Variants in CDH23 observed in about 807,000 individuals in gnomAD.
The protein encoded by CDH23 is cadherin-23.
CDH23 carries 189 observed loss-of-function variants against 317.1 expected under a neutral mutation model. That is an observed-to-expected ratio of 0.60 (90% CI 0.53 to 0.67). The LOEUF (loss-of-function observed/expected upper bound fraction) is 0.67. Among genes scored for constraint, CDH23 ranks in the 30% least tolerant of loss-of-function variants. The probability of loss-of-function intolerance (pLI) is 0.00; values close to 1 mark genes in which losing one functional copy is unlikely to be tolerated. For synonymous variants in CDH23, 1,839 were observed against 1,876.8 expected (o/e 0.98, Z 0.52); for missense variants, 4,401 against 4,592.4 (o/e 0.96, Z 1.20).
At chr10:71,627,381 T>C (rs1398938299) in intron 11 of CDH23, among the ~76,000 whole-genome samples, 1 of 152,104 alleles carries the variant, frequency 6.6e-6, no homozygotes, top group Non-Finnish European at 1.5e-5. Context: ...GTGATGATGA[T>C]GATGATGATG....
At chr10:71,676,474 A>G (rs1864374499) in intron 15 of CDH23, among the ~76,000 whole-genome samples, 1 of 151,878 alleles carries the variant, frequency 6.6e-6, no homozygotes, top group Non-Finnish European at 1.5e-5. Context: ...TAAAAATACA[A>G]AAATTAGCCG....
chr10:71,779,162 C>A, intron 40 of CDH23, 105 bp from the exon 41 acceptor site: 1 of 1,044,252 alleles, frequency 9.6e-7, no homozygotes, highest in Non-Finnish European at 1.5e-6. Context: ...CCTGCATGGG[C>A]CTCATGAGGC....
Position 71,785,044 on chromosome 10 carries a change from C to T in CDH23, c.5656C>T (p.Leu1886Phe). The change falls in exon 43 of 70, where the codon CTC (leucine) becomes TTC (phenylalanine). Residue 1886 changes from leucine (L) to phenylalanine (F), a missense_variant. This residue lies in a region of CDH23 where 3,068 missense variants were observed against 3,203.3 expected (regional missense o/e 0.96). Transcript: ENST00000224721. ...CGCTGACAGTGGCTGCAATGCACGC[C>T]TCACCTTCAACATCACTGCGGGCAA... Reference protein sequence around the residue: ...SDADSGCNARLTFNITAGNRE... With the variant: ...SDADSGCNARFTFNITAGNRE... 2.5e-6 allele frequency: 4 copies of T among 1,614,106 alleles called. No individual in the cohort carries two copies. Among genetic ancestry groups the T allele is most frequent in the Non-Finnish European group, 3.4e-6 (4 of 1,179,906 alleles).
intron 16 of CDH23, 93 bp downstream of exon 16, chr10:71,677,786 A>G (rs1355966897): frequency 1.8e-6 from 2 of 1,088,500 alleles, no homozygotes; most frequent in East Asian, 2.6e-5. Context: ...TGTTTTTATG[A>G]GACAGGTCTC....
chr10:71,479,395 G>A (rs910666767), intron 3 of CDH23, among the ~76,000 whole-genome samples: 3 of 152,140 alleles, frequency 2.0e-5, no homozygotes, highest in African/African-American at 4.8e-5. Flanking sequence ...ATTTGGGGGC[G>A]GGTGAACTGA....
rs183850661 is a variant in CDH23 at position 71,440,547 on chromosome 10, G to A, written c.67+649G>A. On this transcript the variant is annotated intron_variant, in intron 2 of 69. Transcript: ENST00000224721. Reference sequence around the variant, plus strand: ...AAACTAGGTGAGCAGGAAGAAAGGCGTCCTGCTGGAGGGCATAGTCTGAGC... The same window carrying A: ...AAACTAGGTGAGCAGGAAGAAAGGCATCCTGCTGGAGGGCATAGTCTGAGC... Among the ~76,000 whole-genome samples the A allele has an allele frequency of 9.2e-5, 14 of 152,306 alleles. No individual in the cohort carries two copies. The East Asian group carries it at 1.7e-3, about 19-fold the overall frequency.
intron 14 of CDH23, among the ~76,000 whole-genome samples, chr10:71,672,859 A>G (rs1589318275): frequency 6.6e-6 from 1 of 152,246 alleles, no homozygotes; most frequent in East Asian, 1.9e-4. Context: ...TGGGGCACCC[A>G]GATCTGAAGG....
intron 14 of CDH23, among the ~76,000 whole-genome samples, chr10:71,672,824 G>A (rs531885462): frequency 1.4e-4 from 21 of 152,190 alleles, no homozygotes; most frequent in South Asian, 4.1e-4. Flanking sequence ...TATCCTTCCC[G>A]TCCTGACAGT....
At chr10:71,488,523 T>C (rs905836770) in intron 3 of CDH23, among the ~76,000 whole-genome samples, 9 of 152,334 alleles carry the variant, frequency 5.9e-5, no homozygotes, top group African/African-American at 2.2e-4. Context: ...AGTATACCCA[T>C]GATCCATCTG....
chr10:71,791,671 G>A (rs533863635), intron 47 of CDH23, among the ~76,000 whole-genome samples: 3 of 151,662 alleles, frequency 2.0e-5, no homozygotes, highest in African/African-American at 7.3e-5. Context: ...AGCCTCCCAG[G>A]TTCAAGTGAT....
chr10:71,545,694 G>C (rs1178379217), intron 6 of CDH23, among the ~76,000 whole-genome samples: 1 of 152,176 alleles, frequency 6.6e-6, no homozygotes. Context: ...GGGGAGACAA[G>C]ACAACCAACG....
At chr10:71,447,381 G>A (rs2132026234) in intron 3 of CDH23, among the ~76,000 whole-genome samples, 1 of 152,280 alleles carries the variant, frequency 6.6e-6, no homozygotes, top group Admixed American at 6.5e-5. Flanking sequence ...GCTCCAGTGG[G>A]GTGCCTTACG....
At chr10:71,517,589 C>T (rs1016222996) in intron 6 of CDH23, among the ~76,000 whole-genome samples, 2 of 152,218 alleles carry the variant, frequency 1.3e-5, no homozygotes, top group Non-Finnish European at 2.9e-5. Context: ...CTCCCACTGG[C>T]TTGTGCCTGC....
intron 11 of CDH23, among the ~76,000 whole-genome samples, chr10:71,634,957 C>T (rs1056222367): frequency 1.2e-4 from 19 of 152,208 alleles, no homozygotes; most frequent in Non-Finnish European, 2.9e-5. Flanking sequence ...TGCTCTAGTC[C>T]CTAGAGGTCC....
chr10:71,430,189 C>T (rs1289934775), intron 1 of CDH23, among the ~76,000 whole-genome samples: 1 of 151,898 alleles, frequency 6.6e-6, no homozygotes, highest in Non-Finnish European at 1.5e-5. Context: ...GCTGGTGAGC[C>T]AGGGGATAGG....
intron 32 of CDH23, among the ~76,000 whole-genome samples, chr10:71,734,038 T>G (rs560626902): frequency 1.3e-5 from 2 of 152,286 alleles, no homozygotes; most frequent in East Asian, 3.9e-4. Flanking sequence ...CAGTCATACC[T>G]GGCTGGGGAA....
intron 38 of CDH23, among the ~76,000 whole-genome samples, chr10:71,769,958 T>C (rs1840649446): frequency 6.6e-6 from 1 of 152,140 alleles, no homozygotes; most frequent in African/African-American, 2.4e-5. Flanking sequence ...CCCCATCTCC[T>C]GACAACTTTA....
chr10:71,724,772 G>T (rs1237525687), intron 29 of CDH23, among the ~76,000 whole-genome samples: 1 of 152,184 alleles, frequency 6.6e-6, no homozygotes, highest in Non-Finnish European at 1.5e-5. Context: ...TGAACCAATC[G>T]CTATGGCCAG....
intron 14 of CDH23, among the ~76,000 whole-genome samples, chr10:71,669,456 T>C (rs1720692826): frequency 6.6e-6 from 1 of 151,902 alleles, no homozygotes; most frequent in South Asian, 2.1e-4. Flanking sequence ...CTGACTTTTT[T>C]TTTTTTTTGT....
Sources: allele counts gnomAD v4.1 joint callset (sites outside exome capture counted in the v4.1 genomes callset), GRCh38; gene constraint gnomAD v4.1.1; regional missense constraint gnomAD v4.1.1; transcripts MANE v1.5; gene names NCBI Gene and HGNC (gene_info 2026-07-23, HGNC 2026-07-21).